ADAMTS17: variants seen among roughly 807,000 people sequenced by gnomAD.
ADAMTS17 encodes the protein ADAM metallopeptidase with thrombospondin type 1 motif 17.
ADAMTS17 carries 113 observed loss-of-function variants against 141.5 expected under a neutral mutation model. That is an observed-to-expected ratio of 0.80 (90% CI 0.69 to 0.93). ADAMTS17 has a LOEUF of 0.93. ADAMTS17 is among the 40% of genes least tolerant of loss of function. The pLI is 0.00. For synonymous variants in ADAMTS17, 768 were observed against 630.6 expected, an observed-to-expected ratio of 1.22 and a Z score of -3.27; for missense variants, 1,659 against 1,517.9, an observed-to-expected ratio of 1.09 and a Z score of -1.54.
In ADAMTS17 at chr15:100,341,932, G is replaced by A. The variant is rs1246718034; in HGVS notation, c.-33C>T. ...GGGACCGGCAGCCCCCCCGGACCGT[G>A]GCGGCGAAGCAGGAGCGCGCTAGGC... On this transcript the variant is annotated 5_prime_UTR_variant, in exon 1 of 22. Coordinates refer to ENST00000268070, the MANE Select transcript of ADAMTS17 (RefSeq NM_139057.4). 6.5e-7 allele frequency: 1 copy of A among 1,548,220 alleles called. No homozygotes were observed.
At chr15:100,060,347 G>A (rs1027934306) in intron 15 of ADAMTS17, among the ~76,000 whole-genome samples, 1 of 152,202 alleles carries the variant, frequency 6.6e-6, no homozygotes, top group Non-Finnish European at 1.5e-5. Context: ...TTTGCAATGA[G>A]CTGGAGTGTG....
chr15:100,180,860 C>A (rs984359241), intron 8 of ADAMTS17, among the ~76,000 whole-genome samples: 1 of 152,224 alleles, frequency 6.6e-6, no homozygotes, highest in Non-Finnish European at 1.5e-5. Flanking sequence ...GTGCTACAAT[C>A]AGCAGGTGGC....
At chr15:100,098,977 C>G (rs2035932556) in intron 14 of ADAMTS17, among the ~76,000 whole-genome samples, 1 of 152,214 alleles carries the variant, frequency 6.6e-6, no homozygotes, top group South Asian at 2.1e-4. Context: ...TCAAACCACA[C>G]CCTTGCTTGG....
At chr15:100,009,818 T>G (rs1365959342) in intron 18 of ADAMTS17, among the ~76,000 whole-genome samples, 1 of 152,196 alleles carries the variant, frequency 6.6e-6, no homozygotes, top group Non-Finnish European at 1.5e-5. Context: ...TTTACATGAT[T>G]TAGACATGAG....
chr15:100,035,141 C>CT (rs2030578385), intron 18 of ADAMTS17, among the ~76,000 whole-genome samples: 1 of 152,132 alleles, frequency 6.6e-6, no homozygotes, highest in Non-Finnish European at 1.5e-5. Flanking sequence ...AAGAGCAATA[C>CT]CTTTGAACAG....
In ADAMTS17 at chr15:100,061,131, G is replaced by A. The variant is rs539656336; in HGVS notation, c.2138-7077C>T. ...TCTCCGTGGGATGCAGGTTTGTTCCGAAGTGCATACAACGTAGTGGCAACA... is the reference window on the plus strand; with the variant it reads ...TCTCCGTGGGATGCAGGTTTGTTCCAAAGTGCATACAACGTAGTGGCAACA... On this transcript the variant is annotated intron_variant, in intron 15 of 21. Coordinates refer to ENST00000268070, the MANE Select transcript of ADAMTS17 (RefSeq NM_139057.4). Among the ~76,000 whole-genome samples, 13 of 152,288 alleles carry A rather than the reference G, an allele frequency of 8.5e-5. No individual in the cohort carries two copies. In the South Asian group the frequency reaches 1.9e-3, roughly 22 times the overall value.
intron 13 of ADAMTS17, among the ~76,000 whole-genome samples, chr15:100,112,200 A>G (rs1056490924): frequency 1.3e-5 from 2 of 152,170 alleles, no homozygotes; most frequent in Non-Finnish European, 2.9e-5. Flanking sequence ...AGGAAGGCCA[A>G]CCTCAGCTGG....
chr15:100,118,513 C>T (rs577922659), intron 12 of ADAMTS17, among the ~76,000 whole-genome samples: 7 of 152,282 alleles, frequency 4.6e-5, no homozygotes, highest in Admixed American at 2.6e-4. Flanking sequence ...ATGGCTAACC[C>T]TCTAGAAGGT....
At chr15:100,257,736 T>C (rs950540321) in intron 6 of ADAMTS17, among the ~76,000 whole-genome samples, 6 of 152,262 alleles carry the variant, frequency 3.9e-5, no homozygotes, top group East Asian at 1.9e-4. Context: ...ACATTTTTAC[T>C]ACTAATTTTT....
intron 7 of ADAMTS17, among the ~76,000 whole-genome samples, chr15:100,244,996 A>G (rs953915795): frequency 2.0e-5 from 3 of 152,152 alleles, no homozygotes; most frequent in Admixed American, 6.5e-5. Flanking sequence ...GCTGACTCCG[A>G]ATTGCATGAC....
intron 12 of ADAMTS17, 39 bp from the exon 13 acceptor site, chr15:100,117,052 C>T (rs755460204): frequency 1.2e-5 from 19 of 1,564,608 alleles, no homozygotes; most frequent in African/African-American, 2.7e-5. Flanking sequence ...CCAGGTGGTG[C>T]GACCAAAGGG....
intron 3 of ADAMTS17, among the ~76,000 whole-genome samples, chr15:100,293,433 G>A (rs1380211678): frequency 6.6e-6 from 1 of 152,200 alleles, no homozygotes; most frequent in African/African-American, 2.4e-5. Flanking sequence ...AGAACGTGTG[G>A]ATGGAGATAA....
intron 18 of ADAMTS17, among the ~76,000 whole-genome samples, chr15:100,000,936 GA>G (rs1262837343): frequency 6.6e-6 from 1 of 152,206 alleles, no homozygotes; most frequent in African/African-American, 2.4e-5. Context: ...TTGCTCCTGA[GA>G]AATGGTGAAA....
chr15:100,338,828 T>A (rs1158696458), intron 2 of ADAMTS17, among the ~76,000 whole-genome samples: 1 of 152,082 alleles, frequency 6.6e-6, no homozygotes, highest in African/African-American at 2.4e-5. Flanking sequence ...TAACACAACA[T>A]CATCAGCCAC....
chr15:100,006,775 T>A (rs1190822963), intron 18 of ADAMTS17, among the ~76,000 whole-genome samples: 1 of 152,116 alleles, frequency 6.6e-6, no homozygotes, highest in Non-Finnish European at 1.5e-5. Context: ...TTAATCAAAG[T>A]AAGGAAACAG....
intron 4 of ADAMTS17, among the ~76,000 whole-genome samples, chr15:100,270,451 T>C (rs1388463824): frequency 6.6e-6 from 1 of 152,128 alleles, no homozygotes; most frequent in East Asian, 1.9e-4. Flanking sequence ...ACCATATCCG[T>C]GGGATGTGCT....
intron 4 of ADAMTS17, among the ~76,000 whole-genome samples, chr15:100,265,611 G>A (rs1375339670): frequency 2.6e-5 from 4 of 152,198 alleles, no homozygotes; most frequent in African/African-American, 9.6e-5. Context: ...AGAAGGAGCC[G>A]TGGTTGGAGG....
chr15:100,020,822 G>A lies in ADAMTS17; in HGVS notation c.2592-23233C>T, dbSNP rs552958959. 1.3e-3 allele frequency among the ~76,000 whole-genome samples: 200 copies of A among 152,310 alleles called. 1 individual carries two copies. Among genetic ancestry groups the A allele is most frequent in the African/African-American group, 4.7e-3 (194 of 41,560 alleles). The stretch of plus-strand genomic sequence containing the variant: ...TCGGCTGTGTCTATCTCCATGCACT[G>A]ACTCAAGTGACTAAGGGTGTTTGGA... On this transcript the variant is annotated intron_variant, in intron 18 of 21. Transcript: ENST00000268070.
chr15:100,067,576 G>C (rs190835339), intron 15 of ADAMTS17, among the ~76,000 whole-genome samples: 2 of 151,116 alleles, frequency 1.3e-5, no homozygotes, highest in East Asian at 1.9e-4. Flanking sequence ...TTTTTTTTCT[G>C]ATCTATTTGG....
Sources: allele counts gnomAD v4.1 joint callset (sites outside exome capture counted in the v4.1 genomes callset), GRCh38; gene constraint gnomAD v4.1.1; transcripts MANE v1.5; gene names NCBI Gene and HGNC (gene_info 2026-07-23, HGNC 2026-07-21).